C9orf85: variants seen among roughly 807,000 people sequenced by gnomAD.
The protein encoded by C9orf85 is chromosome 9 open reading frame 85.
In C9orf85, 16 loss-of-function variants were observed where a neutral mutation model predicts 14.9. The ratio of observed to expected loss-of-function variants is 1.08; its 90% CI spans 0.73 to 1.63. The LOEUF is 1.63. Among genes scored for constraint, C9orf85 ranks in the 40% most tolerant of loss-of-function variants. C9orf85 has a pLI of 0.00. For missense variants in C9orf85, 172 were observed against 186.1 expected (o/e 0.92, Z 0.44); for synonymous variants, 45 against 56.8 (o/e 0.79, Z 0.93).
intron 2 of C9orf85, among the ~76,000 whole-genome samples, chr9:71,965,342 G>A (rs758479524): frequency 2.6e-5 from 4 of 152,146 alleles, no homozygotes; most frequent in Non-Finnish European, 5.9e-5. Flanking sequence ...TTAGTTGCAA[G>A]CCTGATGTTT....
At chr9:71,939,804 T>G (rs1327258712) in intron 1 of C9orf85, among the ~76,000 whole-genome samples, 1 of 152,142 alleles carries the variant, frequency 6.6e-6, no homozygotes, top group East Asian at 1.9e-4. Flanking sequence ...GAAATAGACC[T>G]TACACATACT....
At chr9:71,971,741 A>G in intron 3 of C9orf85, 123 bp downstream of exon 3, 1 of 584,826 alleles carries the variant, frequency 1.7e-6, no homozygotes, top group Non-Finnish European at 3.0e-6. Context: ...TGGGAGGCCA[A>G]GGCAGGTGGA....
chr9:71,923,090 G>A (rs896589385), intron 1 of C9orf85, among the ~76,000 whole-genome samples: 123 of 152,152 alleles, frequency 8.1e-4, no homozygotes, highest in African/African-American at 2.6e-3. Flanking sequence ...AGGTCGCGCC[G>A]CTGCACTCCA....
At chr9:71,916,354 T>C (rs766465802) in intron 1 of C9orf85, among the ~76,000 whole-genome samples, 2 of 152,166 alleles carry the variant, frequency 1.3e-5, no homozygotes, top group Non-Finnish European at 2.9e-5. Context: ...CCCAAGGTCA[T>C]GTATCTTCTT....
intron 1 of C9orf85, among the ~76,000 whole-genome samples, chr9:71,918,720 G>T (rs1429765832): frequency 6.6e-6 from 1 of 152,162 alleles, no homozygotes. Context: ...TGCTCCTTAT[G>T]AGAATCTAAT....
At chr9:71,918,056 G>A (rs577191294) in intron 1 of C9orf85, among the ~76,000 whole-genome samples, 6 of 152,030 alleles carry the variant, frequency 3.9e-5, no homozygotes, top group Non-Finnish European at 8.8e-5. Flanking sequence ...GGTGGTGGCC[G>A]CCTGTAATCC....
chr9:71,918,709 G>A (rs995191827), intron 1 of C9orf85, among the ~76,000 whole-genome samples: 1 of 152,162 alleles, frequency 6.6e-6, no homozygotes, highest in Non-Finnish European at 1.5e-5. Context: ...TTTAGGCCGT[G>A]TGCTCCTTAT....
chr9:71,949,176 T>C (rs989559149), intron 2 of C9orf85, among the ~76,000 whole-genome samples: 1 of 152,236 alleles, frequency 6.6e-6, no homozygotes, highest in East Asian at 1.9e-4. Flanking sequence ...TATAGTGTTG[T>C]TTCCTAAAAG....
intron 1 of C9orf85, among the ~76,000 whole-genome samples, chr9:71,945,942 T>C (rs1039327038): frequency 3.3e-5 from 5 of 152,230 alleles, no homozygotes; most frequent in African/African-American, 1.2e-4. Flanking sequence ...GTCTGTGTCC[T>C]GAATCAAATG....
At chr9:71,937,001 C>T (rs562866880) in intron 1 of C9orf85, among the ~76,000 whole-genome samples, 1 of 152,264 alleles carries the variant, frequency 6.6e-6, no homozygotes, top group African/African-American at 2.4e-5. Context: ...TCAAGTGATC[C>T]TCCCATCTCG....
chr9:71,929,420 A>T (rs939068339), intron 1 of C9orf85, among the ~76,000 whole-genome samples: 4 of 152,178 alleles, frequency 2.6e-5, no homozygotes, highest in African/African-American at 9.7e-5. Context: ...ACACTATGCA[A>T]TTGCTGCTTT....
At chr9:71,977,083 T>C (rs1823017032), downstream of C9orf85, among the ~76,000 whole-genome samples, 1 of 152,172 alleles carries the variant, frequency 6.6e-6, no homozygotes, top group Non-Finnish European at 1.5e-5. Context: ...AGCCCTGACA[T>C]TGTGAAGCTG....
chr9:71,948,817 C>G (rs1005798225), intron 2 of C9orf85, among the ~76,000 whole-genome samples: 8 of 144,502 alleles, frequency 5.5e-5, no homozygotes, highest in South Asian at 2.3e-4. Context: ...AGCCACGCCC[C>G]CCCCCCCCCC....
intron 2 of C9orf85, among the ~76,000 whole-genome samples, chr9:71,967,796 A>T (rs1193073503): frequency 6.8e-6 from 1 of 146,944 alleles, no homozygotes; most frequent in African/African-American, 2.6e-5. Flanking sequence ...TTGAGAGCAG[A>T]TATTCTTGCC....
chr9:71,985,465 A>G (rs1361506362), downstream of C9orf85: 1 of 152,248 alleles, frequency 6.6e-6, no homozygotes, highest in Non-Finnish European at 1.5e-5. Context: ...AGAAATGCAA[A>G]TTCTTGGGCT....
intron 2 of C9orf85, among the ~76,000 whole-genome samples, chr9:71,958,122 A>C (rs1419938179): frequency 6.6e-6 from 1 of 151,758 alleles, no homozygotes; most frequent in East Asian, 1.9e-4. Context: ...GAGAATGTTC[A>C]GGAAGCTGGT....
rs113733266 is a variant in C9orf85, at chr9:71,972,973, A to G, written c.*131A>G. 5.0e-4 allele frequency: 284 copies of G among 563,570 alleles called. 2 individuals are homozygous for G. The highest frequency in any genetic ancestry group is 4.9e-3 in the African/African-American group (252 of 51,208). 34.9% of individuals were successfully genotyped at this position (563,570 alleles called of 1,614,324 possible). On this transcript the variant is annotated 3_prime_UTR_variant, in exon 4 of 4. Coordinates refer to ENST00000334731, the MANE Select transcript of C9orf85 (RefSeq NM_182505.5). ...AGCCTGGCCAACATGGCGGAACCCC[A>G]TCTCCACTAAAAGTACAAAAAATTA...
intron 1 of C9orf85, among the ~76,000 whole-genome samples, chr9:71,936,948 G>A (rs10781052): frequency 0.96 from 145,136 of 151,944 alleles, 69,690 homozygotes; most frequent in East Asian, 1. Context: ...TTGTAGAAAC[G>A]GGATCTCCCT....
intron 2 of C9orf85, among the ~76,000 whole-genome samples, chr9:71,970,829 C>CTTTT (rs72263039): frequency 7.0e-6 from 1 of 142,660 alleles, no homozygotes; most frequent in Non-Finnish European, 1.5e-5. Flanking sequence ...AATATTAAGT[C>CTTTT]TTTTTTTTTT....
Sources: allele counts gnomAD v4.1 joint callset (sites outside exome capture counted in the v4.1 genomes callset), GRCh38; gene constraint gnomAD v4.1.1; transcripts MANE v1.5; gene names NCBI Gene and HGNC (gene_info 2026-07-23, HGNC 2026-07-21).